Variants in PTPRD observed in about 807,000 individuals in gnomAD.
PTPRD encodes protein tyrosine phosphatase receptor type D.
A neutral mutation model predicts 214.5 loss-of-function variants in PTPRD; 34 were observed. The ratio of observed to expected loss-of-function variants is 0.16; its 90% CI spans 0.12 to 0.21. The LOEUF is 0.21. PTPRD is among the 10% of genes least tolerant of loss of function. PTPRD has a pLI of 1.00. For missense variants in PTPRD, 2,545 were observed against 2,398.7 expected (o/e 1.06, Z -1.27); for synonymous variants, 1,128 against 845.7 (o/e 1.33, Z -5.79).
chr9:10,604,354 C>G (rs2133495776), intron 2 of PTPRD, among the ~76,000 whole-genome samples: 1 of 151,802 alleles, frequency 6.6e-6, no homozygotes, highest in South Asian at 2.1e-4. Context: ...CTTCAAAAAG[C>G]CAGTATGAAT....
chr9:9,449,794 C>A (rs990196212), intron 8 of PTPRD, among the ~76,000 whole-genome samples: 2 of 151,582 alleles, frequency 1.3e-5, no homozygotes, highest in Non-Finnish European at 2.9e-5. Context: ...CATGGATAAG[C>A]TCTTTAGTGG....
intron 2 of PTPRD, among the ~76,000 whole-genome samples, chr9:10,417,597 A>G (rs1469256948): frequency 6.6e-6 from 1 of 151,856 alleles, no homozygotes; most frequent in Admixed American, 6.6e-5. Context: ...TATAATAACC[A>G]TATATCAATA....
intron 11 of PTPRD, among the ~76,000 whole-genome samples, chr9:8,747,383 C>T (rs2092942206): frequency 6.6e-6 from 1 of 152,002 alleles, no homozygotes; most frequent in African/African-American, 2.4e-5. Context: ...TCCTAACTTC[C>T]GAGGAAACAC....
intron 33 of PTPRD, 68 bp from the exon 34 acceptor site, chr9:8,449,905 A>G: frequency 1.4e-6 from 2 of 1,468,386 alleles, no homozygotes; most frequent in Non-Finnish European, 1.9e-6. Context: ...AAAGCAGAGA[A>G]TTGCACCTGC....
intron 12 of PTPRD, among the ~76,000 whole-genome samples, chr9:8,693,426 T>C (rs1434463756): frequency 1.3e-5 from 2 of 152,212 alleles, no homozygotes; most frequent in African/African-American, 4.8e-5. Flanking sequence ...AGAAACTGTA[T>C]CCTAGCAACT....
At position 9,003,271 on chromosome 9, in the gene PTPRD, T is replaced by C. The variant is rs114719330; in HGVS notation, c.-104+15426A>G. 4.7e-3 allele frequency among the ~76,000 whole-genome samples: 716 copies of C among 152,164 alleles called. 15 individuals are homozygous for C. Among genetic ancestry groups the C allele is most frequent in the African/African-American group, 0.017 (690 of 41,546 alleles). On this transcript the variant is annotated intron_variant, in intron 11 of 45. Coordinates refer to ENST00000381196, the MANE Select transcript of PTPRD (RefSeq NM_002839.4). ...TCTGGTTCCTTCAGTTTTTCCTCTA[T>C]TGTTCTATGAGCAACTAAGACATGA...
At chr9:8,338,777 A>AC (rs1849436486) in intron 43 of PTPRD, 145 bp downstream of exon 43, 1 of 524,938 alleles carries the variant, frequency 1.9e-6, no homozygotes, top group African/African-American at 3.5e-5. Flanking sequence ...CATATTAAAC[A>AC]TAAAAAAAAA....
At chr9:8,816,794 T>C (rs757587881) in intron 11 of PTPRD, among the ~76,000 whole-genome samples, 1 of 152,194 alleles carries the variant, frequency 6.6e-6, no homozygotes, top group Non-Finnish European at 1.5e-5. Flanking sequence ...GTCTCTTCTT[T>C]AGGAATAGAA....
intron 7 of PTPRD, among the ~76,000 whole-genome samples, chr9:9,642,354 A>G (rs2095993858): frequency 6.6e-6 from 1 of 151,172 alleles, no homozygotes; most frequent in Admixed American, 6.6e-5. Context: ...AGCATGGCAC[A>G]TGTATACATA....
intron 2 of PTPRD, among the ~76,000 whole-genome samples, chr9:10,605,635 T>C (rs985126323): frequency 3.3e-5 from 5 of 151,712 alleles, no homozygotes; most frequent in Non-Finnish European, 7.4e-5. Context: ...AGAAGGACAA[T>C]AAGGTAAGTG....
At chr9:10,171,045 T>C (rs1348501310) in intron 3 of PTPRD, among the ~76,000 whole-genome samples, 2 of 152,214 alleles carry the variant, frequency 1.3e-5, no homozygotes, top group Admixed American at 6.5e-5. Flanking sequence ...AGGCAAACCA[T>C]ATATATTTGT....
At chr9:10,144,901 G>C (rs539999479) in intron 3 of PTPRD, among the ~76,000 whole-genome samples, 1 of 151,642 alleles carries the variant, frequency 6.6e-6, no homozygotes, top group Non-Finnish European at 1.5e-5. Flanking sequence ...AATAAAATTA[G>C]TATTAAACTA....
chr9:9,013,678 C>G (rs1000351651), intron 11 of PTPRD, among the ~76,000 whole-genome samples: 1 of 152,074 alleles, frequency 6.6e-6, no homozygotes, highest in Non-Finnish European at 1.5e-5. Flanking sequence ...TCATTGCATA[C>G]AGAAGCAACT....
intron 9 of PTPRD, among the ~76,000 whole-genome samples, chr9:9,288,644 A>T (rs1950237197): frequency 6.6e-6 from 1 of 151,934 alleles, no homozygotes; most frequent in Non-Finnish European, 1.5e-5. Context: ...GTAAGATGTT[A>T]TATGCTTGAA....
chr9:9,429,766 T>C (rs2082346185), intron 8 of PTPRD, among the ~76,000 whole-genome samples: 1 of 152,126 alleles, frequency 6.6e-6, no homozygotes, highest in Non-Finnish European at 1.5e-5. Flanking sequence ...TCAATAAACA[T>C]AATCCATCAT....
intron 5 of PTPRD, among the ~76,000 whole-genome samples, chr9:9,775,954 C>CAAAAAAAAAA (rs59412193): frequency 1.7e-4 from 5 of 28,918 alleles, no homozygotes; most frequent in East Asian, 1.1e-3. Context: ...GACTCTGTCT[C>CAAAAAAAAAA]AAAAAAAAAA....
intron 8 of PTPRD, among the ~76,000 whole-genome samples, chr9:9,475,370 T>A (rs1283985739): frequency 6.6e-6 from 1 of 152,160 alleles, no homozygotes; most frequent in African/African-American, 2.4e-5. Flanking sequence ...TTTTTACATA[T>A]AACCCTATGG....
At chr9:10,344,007 T>TTTTTTTTGTA (rs1253555165) in intron 2 of PTPRD, among the ~76,000 whole-genome samples, 1 of 139,428 alleles carries the variant, frequency 7.2e-6, no homozygotes, top group Non-Finnish European at 1.6e-5. Flanking sequence ...TTTTTTTTTT[T>TTTTTTTTGTA]GCTGTGCAGA....
intron 4 of PTPRD, among the ~76,000 whole-genome samples, chr9:10,004,634 C>A (rs10816274): frequency 0.48 from 73,218 of 151,786 alleles, 21,110 homozygotes; most frequent in Middle Eastern, 0.67. Context: ...AACACACACA[C>A]ACACCGCACA....
Sources: allele counts gnomAD v4.1 joint callset (sites outside exome capture counted in the v4.1 genomes callset), GRCh38; gene constraint gnomAD v4.1.1; transcripts MANE v1.5; gene names NCBI Gene and HGNC (gene_info 2026-07-23, HGNC 2026-07-21).